HECW1: variants seen among roughly 807,000 people sequenced by gnomAD.
HECW1 encodes the protein E3 ubiquitin-protein ligase HECW1.
In HECW1, 61 loss-of-function variants were observed where a neutral mutation model predicts 182.3. The ratio of observed to expected loss-of-function variants is 0.33; its 90% CI spans 0.27 to 0.41. The LOEUF (loss-of-function observed/expected upper bound fraction) is 0.41. Ranked by LOEUF, HECW1 falls within the 10% of genes least tolerant of loss-of-function variation. HECW1 has a pLI of 1.00. For missense variants in HECW1, 1,739 were observed against 2,108.9 expected, an observed-to-expected ratio of 0.82 and a Z score of 3.44; for synonymous variants, 859 against 832.6, an observed-to-expected ratio of 1.03 and a Z score of -0.55.
At chr7:43,122,726 T>C (rs1416654323) in intron 2 of HECW1, among the ~76,000 whole-genome samples, 1 of 152,206 alleles carries the variant, frequency 6.6e-6, no homozygotes, top group Non-Finnish European at 1.5e-5. Flanking sequence ...TCACTATATG[T>C]ATAATAAATG....
At chr7:43,170,005 T>G (rs1791519985) in intron 2 of HECW1, among the ~76,000 whole-genome samples, 1 of 152,200 alleles carries the variant, frequency 6.6e-6, no homozygotes, top group Non-Finnish European at 1.5e-5. Flanking sequence ...GACAGATCAT[T>G]TAATGCAGGG....
At chr7:43,166,977 A>G (rs1055808713) in intron 2 of HECW1, among the ~76,000 whole-genome samples, 1 of 152,210 alleles carries the variant, frequency 6.6e-6, no homozygotes, top group Admixed American at 6.5e-5. Context: ...CAGCCACTGA[A>G]TGACGCAAGG....
intron 2 of HECW1, among the ~76,000 whole-genome samples, chr7:43,220,216 A>C (rs1480854798): frequency 2.0e-5 from 3 of 152,226 alleles, no homozygotes; most frequent in Non-Finnish European, 4.4e-5. Context: ...AAAGGAGACA[A>C]ATCAGAACCT....
chr7:43,287,545 C>T (rs559304419), intron 3 of HECW1, among the ~76,000 whole-genome samples: 1 of 152,234 alleles, frequency 6.6e-6, no homozygotes, highest in East Asian at 1.9e-4. Flanking sequence ...ACTATATTGC[C>T]CAGGCTGGTC....
Position 43,445,534 on chromosome 7 carries a change from G to A in HECW1, c.2362G>A (p.Glu788Lys), listed in dbSNP as rs865930932. Residue 788 changes from glutamate (E) to lysine (K), a missense_variant, in exon 11 of 30, where the codon GAA becomes AAA. Physicochemically the swap from Glu to Lys is moderately conservative, Grantham distance 56. Coordinates refer to ENST00000395891, the MANE Select transcript of HECW1 (RefSeq NM_015052.5). ...CGTGGAAAGAAGCCCGGAAGGTCTG[G>A]AATCCCCCGTGGCAGGTCCAAGCAA... Reference protein sequence around the residue: ...GHVERSPEGLESPVAGPSNRR... With the variant: ...GHVERSPEGLKSPVAGPSNRR... 1.2e-6 allele frequency: 2 copies of A among 1,605,852 alleles called. No individual in the cohort carries two copies. Among genetic ancestry groups the A allele is most frequent in the African/African-American group, 1.3e-5 (1 of 74,896 alleles).
chr7:43,446,611 C>T (rs1265534584), intron 11 of HECW1, among the ~76,000 whole-genome samples: 2 of 150,140 alleles, frequency 1.3e-5, no homozygotes, highest in Non-Finnish European at 3.0e-5. Context: ...AAACAAACCC[C>T]TGGTGCCTAC....
At chr7:43,202,567 G>A (rs961419926) in intron 2 of HECW1, among the ~76,000 whole-genome samples, 3 of 150,932 alleles carry the variant, frequency 2.0e-5, no homozygotes, top group Non-Finnish European at 2.9e-5. Flanking sequence ...ACTGCCTCCC[G>A]GGTTCAAGCG....
chr7:43,325,160 C>A lies in HECW1; in HGVS notation c.460+4418C>A, dbSNP rs73689980. On this transcript the variant is annotated intron_variant, in intron 5 of 29. Coordinates refer to ENST00000395891, the MANE Select transcript of HECW1 (RefSeq NM_015052.5). ...TCTGGCATAATTTTTCTCCAGTGGG[C>A]ACCTGGCTATTTGACCATAGTGTCA... Among the ~76,000 whole-genome samples, 408 of 152,262 alleles carry A rather than the reference C, an allele frequency of 2.7e-3. 1 individual carries two copies. The highest frequency in any genetic ancestry group is 9.1e-3 in the African/African-American group (376 of 41,536).
chr7:43,429,763 T>C (rs1584880866), intron 8 of HECW1, among the ~76,000 whole-genome samples: 1 of 152,202 alleles, frequency 6.6e-6, no homozygotes. Flanking sequence ...GTCCAGTCCA[T>C]TTAATTTCCA....
intron 8 of HECW1, among the ~76,000 whole-genome samples, chr7:43,418,254 G>C (rs1172109525): frequency 6.6e-6 from 1 of 152,162 alleles, no homozygotes; most frequent in Non-Finnish European, 1.5e-5. Flanking sequence ...AAATAAGTTT[G>C]CATTCAAAAG....
At chr7:43,296,268 A>T (rs1415539981) in intron 3 of HECW1, among the ~76,000 whole-genome samples, 5 of 152,220 alleles carry the variant, frequency 3.3e-5, no homozygotes, top group African/African-American at 1.2e-4. Flanking sequence ...TCTGTGTTAC[A>T]TAATTATGGG....
intron 1 of HECW1, chr7:43,113,489 T>G: frequency 6.0e-6 from 1 of 168,056 alleles, no homozygotes; most frequent in Non-Finnish European, 1.3e-5. Flanking sequence ...GTCCGGCCCT[T>G]GCTCCCATGG....
chr7:43,248,689 C>T (rs1211616308), intron 3 of HECW1: 2 of 77,874 alleles, frequency 2.6e-5, no homozygotes, highest in African/African-American at 1.0e-4. Context: ...TCCTCCTCCT[C>T]CTCCTTTTCC....
intron 6 of HECW1, among the ~76,000 whole-genome samples, chr7:43,373,344 G>A (rs923742087): frequency 6.6e-6 from 1 of 151,302 alleles, no homozygotes; most frequent in African/African-American, 2.4e-5. Context: ...TATTTTAGTC[G>A]AGATGGGGTT....
intron 5 of HECW1, among the ~76,000 whole-genome samples, chr7:43,358,885 C>T (rs186186013): frequency 0.016 from 2,116 of 133,576 alleles, 75 homozygotes; most frequent in Admixed American, 0.094. Flanking sequence ...AGTGCAATGG[C>T]GTGATCTTGG....
At position 43,264,842 on chromosome 7, in the gene HECW1, T is replaced by TAAAAA. The variant is rs36094358; in HGVS notation, c.27+20927_27+20931dup. Among the ~76,000 whole-genome samples the TAAAAA allele has an allele frequency of 2.5e-3, 325 of 129,150 alleles. 1 individual carries two copies. The highest frequency in any genetic ancestry group is 8.9e-3 in the African/African-American group (302 of 33,940). 84.7% of individuals were successfully genotyped at this position (129,150 alleles called of 152,430 possible). A position where few individuals can be genotyped will look rare whatever the true frequency, so the allele number is the denominator to read the frequency against. ...CCGGGCGACAGAGTGAGACTCGGTT[T>TAAAAA]AAAAAAAAAAAAAAAAAAAAATTGC... On this transcript the variant is annotated intron_variant, in intron 3 of 29. Coordinates refer to ENST00000395891, the MANE Select transcript of HECW1 (RefSeq NM_015052.5).
chr7:43,259,351 C>A (rs968111349), intron 3 of HECW1, among the ~76,000 whole-genome samples: 1 of 151,086 alleles, frequency 6.6e-6, no homozygotes, highest in Non-Finnish European at 1.5e-5. Context: ...CGCAGTGCTG[C>A]GCTCCAGCCT....
At chr7:43,125,502 A>G (rs2152610813) in intron 2 of HECW1, among the ~76,000 whole-genome samples, 1 of 152,076 alleles carries the variant, frequency 6.6e-6, no homozygotes, top group Non-Finnish European at 1.5e-5. Context: ...CACGCCTGTA[A>G]TCCCAGCATT....
intron 5 of HECW1, among the ~76,000 whole-genome samples, chr7:43,345,813 C>T (rs1175197298): frequency 3.3e-5 from 5 of 151,438 alleles, no homozygotes; most frequent in Middle Eastern, 3.4e-3. Flanking sequence ...CACACACACA[C>T]ACACACACAC....
Sources: allele counts gnomAD v4.1 joint callset (sites outside exome capture counted in the v4.1 genomes callset), GRCh38; gene constraint gnomAD v4.1.1; transcripts MANE v1.5; gene names NCBI Gene and HGNC (gene_info 2026-07-23, HGNC 2026-07-21).